The following MSL2 variants were observed in gnomAD, a reference collection of about 807,000 sequenced individuals.
The protein encoded by MSL2 is E3 ubiquitin-protein ligase MSL2.
A neutral mutation model predicts 35.8 loss-of-function variants in MSL2; 2 were observed. The ratio of observed to expected loss-of-function variants is 0.06; its 90% CI spans 0.02 to 0.18. The LOEUF (loss-of-function observed/expected upper bound fraction) is 0.18, where lower values mean the gene tolerates loss of function less well. Ranked by LOEUF, MSL2 falls within the 10% of genes least tolerant of loss-of-function variation. MSL2 has a pLI of 1.00. For missense variants in MSL2, 523 were observed against 706.7 expected (o/e 0.74, Z 2.95); for synonymous variants, 296 against 255.7 (o/e 1.16, Z -1.50).
chr3:136,189,517 G>A (rs1432478663), intron 1 of MSL2, among the ~76,000 whole-genome samples: 1 of 149,436 alleles, frequency 6.7e-6, no homozygotes, highest in Non-Finnish European at 1.5e-5. Flanking sequence ...GAGGTCAGGA[G>A]ATCGAGACCA....
chr3:136,161,331 T>C (rs1175594368), intron 1 of MSL2, among the ~76,000 whole-genome samples: 3 of 152,088 alleles, frequency 2.0e-5, no homozygotes, highest in Admixed American at 2.0e-4. Flanking sequence ...AAGACACAAA[T>C]TTACCATAGA....
At chr3:136,192,969 T>C (rs1940732884) in intron 1 of MSL2, among the ~76,000 whole-genome samples, 1 of 152,166 alleles carries the variant, frequency 6.6e-6, no homozygotes, top group Non-Finnish European at 1.5e-5. Flanking sequence ...GAAAAAAACC[T>C]GAACCTACAT....
chr3:136,155,779 GA>G (rs1227498989), intron 1 of MSL2: 1 of 565,808 alleles, frequency 1.8e-6, no homozygotes. Flanking sequence ...TATGCAAAGA[GA>G]ACTGTGGGTC....
At chr3:136,155,986 T>A (rs1047211252) in intron 1 of MSL2, 2 of 387,406 alleles carry the variant, frequency 5.2e-6, no homozygotes, top group African/African-American at 4.2e-5. Flanking sequence ...ATGAATACAT[T>A]TCCATAATGG....
At chr3:136,188,167 G>A (rs577443908) in intron 1 of MSL2, among the ~76,000 whole-genome samples, 5 of 152,160 alleles carry the variant, frequency 3.3e-5, no homozygotes, top group African/African-American at 4.8e-5. Flanking sequence ...AGGCGCAGTG[G>A]CTCACACCTG....
chr3:136,183,614 G>A (rs1019923353), intron 1 of MSL2, among the ~76,000 whole-genome samples: 1 of 152,020 alleles, frequency 6.6e-6, no homozygotes. Context: ...GTAGAGGCAG[G>A]GTTTTGCCAT....
At chr3:136,155,228 G>A (rs1306764325) in intron 1 of MSL2, among the ~76,000 whole-genome samples, 7 of 151,586 alleles carry the variant, frequency 4.6e-5, no homozygotes, top group Admixed American at 4.6e-4. Flanking sequence ...AAAGACGCTG[G>A]ATGCGGTGGC....
intron 1 of MSL2, among the ~76,000 whole-genome samples, chr3:136,170,230 G>A (rs2108075600): frequency 1.4e-5 from 2 of 147,972 alleles, no homozygotes; most frequent in African/African-American, 5.0e-5. Flanking sequence ...GTGCATGCCT[G>A]TAATCCCATC....
intron 1 of MSL2, chr3:136,194,430 C>A: frequency 4.1e-6 from 4 of 985,406 alleles, no homozygotes; most frequent in Non-Finnish European, 4.8e-6. Flanking sequence ...ACAGCCTTCC[C>A]CGGCTCGCTG....
chr3:136,173,610 T>C (rs1353778343), intron 1 of MSL2, among the ~76,000 whole-genome samples: 1 of 152,208 alleles, frequency 6.6e-6, no homozygotes, highest in Non-Finnish European at 1.5e-5. Flanking sequence ...ACTACTGCCT[T>C]AGTTCAACCT....
At chr3:136,172,027 G>A (rs1051320994) in intron 1 of MSL2, among the ~76,000 whole-genome samples, 3 of 152,132 alleles carry the variant, frequency 2.0e-5, no homozygotes, top group Admixed American at 2.0e-4. Context: ...GCGTAGGTGG[G>A]ACCACAACTC....
chr3:136,183,644 T>C (rs531474426), intron 1 of MSL2, among the ~76,000 whole-genome samples: 1 of 152,004 alleles, frequency 6.6e-6, no homozygotes, highest in Non-Finnish European at 1.5e-5. Flanking sequence ...GCTAGAAAAA[T>C]CAAAGTTATT....
rs1041974923 is a variant in MSL2, at chr3:136,177,541, T to C, written c.142+17431A>G. ...TACAAAAAACAAAATTAGCCGGGCA[T>C]GGTGGTGGGCACCTGTAGTCCCAGC... is the stretch of plus-strand genomic sequence containing the variant. On this transcript the variant is annotated intron_variant, in intron 1 of 1. Transcript: ENST00000309993. Among the ~76,000 whole-genome samples, 27 of 151,904 alleles carry C rather than the reference T, an allele frequency of 1.8e-4. 1 individual carries two copies. Among genetic ancestry groups the C allele is most frequent in the Non-Finnish European group, 1.8e-4 (12 of 67,964 alleles).
Position 136,151,120 on chromosome 3 carries a change from A to G in MSL2, c.*27T>C, listed in dbSNP as rs1250539454. ...GTAAAACTGTAGCTATTTCCCTACCAGGAGTAGGTTTAAAAGACCCACTGA... is the reference window on the plus strand; with the variant it reads ...GTAAAACTGTAGCTATTTCCCTACCGGGAGTAGGTTTAAAAGACCCACTGA... On this transcript the variant is annotated 3_prime_UTR_variant, in exon 2 of 2. Coordinates refer to ENST00000309993, the MANE Select transcript of MSL2 (RefSeq NM_018133.4). The surrounding 1 kb of genome is among the most constrained non-coding windows in gnomAD (Gnocchi z 5.2). The G allele has an allele frequency of 1.3e-6, 2 of 1,595,944 alleles. No individual in the cohort carries two copies. The highest frequency in any genetic ancestry group is 2.2e-5 in the East Asian group (1 of 44,484).
chr3:136,193,405 C>T (rs1940744808), intron 1 of MSL2, among the ~76,000 whole-genome samples: 1 of 152,002 alleles, frequency 6.6e-6, no homozygotes, highest in Non-Finnish European at 1.5e-5. Flanking sequence ...CTGATAATGA[C>T]ATCACTCTCA....
Position 136,178,410 on chromosome 3 carries a change from C to A in MSL2, c.142+16562G>T, listed in dbSNP as rs570033154. ...CCAAATTTCCCAAATTGGTGTTGCA[C>A]GGAACCAGGTTTGCTTTATTACCCT... On this transcript the variant is annotated intron_variant, in intron 1 of 1. Coordinates refer to ENST00000309993, the MANE Select transcript of MSL2 (RefSeq NM_018133.4). Among the ~76,000 whole-genome samples, 251 of 152,166 alleles carry A rather than the reference C, an allele frequency of 1.6e-3. 1 individual carries two copies. Among genetic ancestry groups the A allele is most frequent in the Non-Finnish European group, 3.1e-3 (208 of 68,000 alleles).
intron 1 of MSL2, among the ~76,000 whole-genome samples, chr3:136,175,787 G>A (rs1238930428): frequency 2.0e-5 from 3 of 152,102 alleles, no homozygotes; most frequent in Admixed American, 1.3e-4. Context: ...CAAATGAAGA[G>A]TGAATTGTTT....
intron 1 of MSL2, among the ~76,000 whole-genome samples, chr3:136,181,957 T>TC (rs1940378581): frequency 7.2e-6 from 1 of 139,182 alleles, no homozygotes; most frequent in Non-Finnish European, 1.6e-5. Context: ...AATAAATAAA[T>TC]AATCAAAACT....
intron 1 of MSL2, among the ~76,000 whole-genome samples, chr3:136,156,921 T>C (rs193177226): frequency 5.9e-5 from 9 of 152,262 alleles, no homozygotes; most frequent in African/African-American, 1.9e-4. Context: ...CTTTTAACTG[T>C]TGAAGAAGAG....
Sources: allele counts gnomAD v4.1 joint callset (sites outside exome capture counted in the v4.1 genomes callset), GRCh38; gene constraint gnomAD v4.1.1; non-coding constraint Gnocchi (gnomAD v3.1); transcripts MANE v1.5; gene names NCBI Gene and HGNC (gene_info 2026-07-23, HGNC 2026-07-21).